The following ST3GAL6 variants were observed in gnomAD, a reference collection of about 807,000 sequenced individuals.
ST3GAL6 encodes type 2 lactosamine alpha-2,3-sialyltransferase.
A neutral mutation model predicts 40.5 loss-of-function variants in ST3GAL6; 31 were observed. The observed-to-expected ratio is 0.77, with a 90% CI of 0.58 to 1.03. The LOEUF (loss-of-function observed/expected upper bound fraction) is 1.03. Among genes scored for constraint, ST3GAL6 ranks in the 50% least tolerant of loss-of-function variants. The pLI is 0.00. For missense variants in ST3GAL6, 357 were observed against 393.2 expected (o/e 0.91, Z 0.78); for synonymous variants, 129 against 136.9 (o/e 0.94, Z 0.40).
Position 98,788,598 on chromosome 3 carries a change from A to G in ST3GAL6, c.756+135A>G, listed in dbSNP as rs1940951114. On this transcript the variant is annotated intron_variant, in intron 8 of 9. Coordinates refer to ENST00000483910, the MANE Select transcript of ST3GAL6 (RefSeq NM_001323368.2). ...TCTGAGGGCCATCTCTGAGTTAGTA[A>G]AAGTAGTTATCTATGGATATTATCT... is the stretch of plus-strand genomic sequence containing the variant. The G allele has an allele frequency of 4.2e-6, 3 of 716,704 alleles. No individual in the cohort carries two copies. The East Asian group carries it at 8.7e-5, about 21-fold the overall frequency. The allele number at this position is 716,704 out of a possible 1,614,324, so 44.4% of individuals were successfully genotyped here.
At chr3:98,770,603 C>T (rs939632966) in intron 2 of ST3GAL6, 7 of 325,382 alleles carry the variant, frequency 2.2e-5, no homozygotes, top group African/African-American at 4.3e-5. Flanking sequence ...AATCCTGGCC[C>T]TTCTCTGAAG....
intron 5 of ST3GAL6, among the ~76,000 whole-genome samples, chr3:98,775,881 G>A (rs751378843): frequency 2.1e-4 from 32 of 152,158 alleles, no homozygotes. Flanking sequence ...GACTGCAGGA[G>A]TCCTTTAGTC....
chr3:98,783,902 A>T (rs1209810310), intron 5 of ST3GAL6, among the ~76,000 whole-genome samples: 1 of 152,240 alleles, frequency 6.6e-6, no homozygotes, highest in Admixed American at 6.5e-5. Flanking sequence ...AATTTAATGA[A>T]TATAGGAGTG....
chr3:98,753,413 T>C (rs1437580604), intron 1 of ST3GAL6, among the ~76,000 whole-genome samples: 10 of 152,228 alleles, frequency 6.6e-5, no homozygotes, highest in Non-Finnish European at 1.3e-4. Flanking sequence ...AAGAAGAGGC[T>C]GCAACAAGTT....
At chr3:98,779,755 A>G (rs549449819) in intron 5 of ST3GAL6, among the ~76,000 whole-genome samples, 56 of 152,310 alleles carry the variant, frequency 3.7e-4, no homozygotes, top group African/African-American at 1.3e-3. Flanking sequence ...TTTCTGGGTA[A>G]GCAGTTTAGA....
chr3:98,743,475 A>G (rs1936292059), intron 1 of ST3GAL6, among the ~76,000 whole-genome samples: 1 of 152,120 alleles, frequency 6.6e-6, no homozygotes, highest in African/African-American at 2.4e-5. Flanking sequence ...CTCCCAGATA[A>G]TGCCCCTCCC....
chr3:98,772,995 G>T (rs974520666), intron 4 of ST3GAL6, 79 bp downstream of exon 4: 1 of 861,302 alleles, frequency 1.2e-6, no homozygotes, highest in Non-Finnish European at 1.9e-6. Context: ...ATAATTTTAA[G>T]GGCTTTTATT....
At chr3:98,739,959 G>A (rs1935922048) in intron 1 of ST3GAL6, among the ~76,000 whole-genome samples, 1 of 152,136 alleles carries the variant, frequency 6.6e-6, no homozygotes, top group Non-Finnish European at 1.5e-5. Flanking sequence ...GGAGCTTTCT[G>A]TTGTAAGTGA....
At chr3:98,732,934 C>A in intron 1 of ST3GAL6, 1 of 1,511,302 alleles carries the variant, frequency 6.6e-7, no homozygotes, top group Non-Finnish European at 8.8e-7. Flanking sequence ...GAGCCCGGTG[C>A]GCCTCTGCGG....
chr3:98,759,750 A>G (rs546881639), upstream of ST3GAL6, among the ~76,000 whole-genome samples: 45 of 152,304 alleles, frequency 3.0e-4, no homozygotes, highest in South Asian at 8.3e-3. Flanking sequence ...GTAAATTGCA[A>G]TAATTGGAAA....
chr3:98,764,851 TA>T (rs1938163234), intron 1 of ST3GAL6, among the ~76,000 whole-genome samples: 1 of 152,248 alleles, frequency 6.6e-6, no homozygotes, highest in African/African-American at 2.4e-5. Context: ...TTAATGCTTC[TA>T]ATCAGTTGTT....
In ST3GAL6 at chr3:98,788,028, A is replaced by G. The variant is rs768085979; in HGVS notation, c.432-8A>G. The G allele has an allele frequency of 3.7e-6, 6 of 1,609,828 alleles. No homozygotes were observed. The highest frequency in any genetic ancestry group is 3.4e-5 in the Admixed American group (2 of 59,694). On this transcript the variant is annotated splice_region_variant and splice_polypyrimidine_tract_variant and intron_variant, in intron 6 of 9. Transcript: ENST00000483910. The stretch of plus-strand genomic sequence containing the variant: ...GTCTACATATCTTGTATGTTTTACT[A>G]TCCACAGAATGAATAATGGTCCTGT...
Position 98,788,052 on chromosome 3 carries a change from G to A in ST3GAL6, c.448G>A (p.Val150Ile). Residue 150 changes from valine to isoleucine, a missense_variant, in exon 7 of 10, where the codon GTT becomes ATT. By Grantham distance (29) the Val-to-Ile change is conservative. Coordinates refer to ENST00000483910, the MANE Select transcript of ST3GAL6 (RefSeq NM_001323368.2). ...TATCCACAGAATGAATAATGGTCCT[G>A]TTTTAGGACATGAAGAAGAAGTTGG... is the stretch of plus-strand genomic sequence containing the variant. ...DVIIRMNNGPVLGHEEEVGRR... is the reference protein window; with the variant it reads ...DVIIRMNNGPILGHEEEVGRR... 6.2e-7 allele frequency: 1 copy of A among 1,613,484 alleles called. No individual in the cohort carries two copies. The highest frequency in any genetic ancestry group is 1.1e-5 in the South Asian group (1 of 90,974).
chr3:98,756,427 C>A, intron 1 of ST3GAL6: 1 of 1,289,722 alleles, frequency 7.8e-7, no homozygotes, highest in Non-Finnish European at 1.0e-6. Flanking sequence ...AACAGAGAGG[C>A]CCCAGCAATT....
chr3:98,762,889 CT>C, upstream of ST3GAL6: 1 of 985,400 alleles, frequency 1.0e-6, no homozygotes, highest in Non-Finnish European at 1.2e-6. Context: ...TAGTACTGTG[CT>C]GGCCATTTAG....
At chr3:98,768,147 T>C (rs1308288648) in intron 1 of ST3GAL6, among the ~76,000 whole-genome samples, 3 of 152,190 alleles carry the variant, frequency 2.0e-5, no homozygotes, top group Admixed American at 1.3e-4. Flanking sequence ...CTTTCTTACC[T>C]ACCATGAGAA....
At chr3:98,735,074 CTAT>C (rs1935415427) in intron 1 of ST3GAL6, among the ~76,000 whole-genome samples, 1 of 152,164 alleles carries the variant, frequency 6.6e-6, no homozygotes, top group Non-Finnish European at 1.5e-5. Flanking sequence ...CATGGAACTC[CTAT>C]TTGGCACCCA....
intron 1 of ST3GAL6, among the ~76,000 whole-genome samples, chr3:98,743,317 G>A (rs977553268): frequency 6.6e-5 from 10 of 151,918 alleles, no homozygotes; most frequent in Non-Finnish European, 1.3e-4. Context: ...CACTGTGCCT[G>A]GCCCAATTTT....
chr3:98,777,947 A>C (rs754418813), intron 5 of ST3GAL6, among the ~76,000 whole-genome samples: 1 of 152,186 alleles, frequency 6.6e-6, no homozygotes, highest in Admixed American at 6.5e-5. Flanking sequence ...CCTCAGCACC[A>C]GTCTGCCCCC....
Sources: gnomAD v4.1 joint callset for allele counts (sites outside exome capture counted in the v4.1 genomes callset) on GRCh38, gnomAD v4.1.1 for gene constraint, MANE v1.5 for transcripts, NCBI Gene and HGNC (gene_info 2026-07-23, HGNC 2026-07-21) for gene names.